APOOL: variants seen among roughly 807,000 people sequenced by gnomAD.
The protein encoded by APOOL is MICOS complex subunit MIC27.
Under a neutral mutation model 23.1 loss-of-function variants are expected in APOOL, and 12 were observed. The observed-to-expected ratio is 0.52, with a 90% confidence interval of 0.33 to 0.84. APOOL has a LOEUF of 0.84. Among genes scored for constraint, APOOL ranks in the 40% least tolerant of loss-of-function variants. The pLI, the probability that APOOL is intolerant of heterozygous loss-of-function variation, is 0.02. For missense variants in APOOL, 212 were observed against 199.6 expected, an observed-to-expected ratio of 1.06 and a Z score of -0.37; for synonymous variants, 77 against 69.9, an observed-to-expected ratio of 1.10 and a Z score of -0.51.
intron 1 of APOOL, among the ~76,000 whole-genome samples, chrX:85,043,382 A>G (rs1922464177): frequency 1.0e-5 from 1 of 97,976 alleles, no homozygotes; most frequent in Admixed American, 1.2e-4. Flanking sequence ...TGAATATCTT[A>G]TTTGGTTTTC....
intron 1 of APOOL, among the ~76,000 whole-genome samples, chrX:85,025,774 CT>C (rs1277522432): frequency 8.9e-6 from 1 of 112,891 alleles, no homozygotes; most frequent in Non-Finnish European, 1.9e-5. Flanking sequence ...AGCTCCACCC[CT>C]GTGTCTTTGC....
chrX:85,007,992 A>G lies in APOOL; in HGVS notation c.15+4065A>G, dbSNP rs1011166850. Among the ~76,000 whole-genome samples the G allele has an allele frequency of 1.8e-5, 2 of 111,776 alleles. 1 individual carries two copies. The highest frequency in any genetic ancestry group is 3.8e-5 in the Non-Finnish European group (2 of 53,161). ...ACTGTAATGATAGGAGGTTGCACTC[A>G]GAGAAAAACTTGCTGAATTTATGAT... On this transcript the variant is annotated intron_variant, in intron 1 of 8. Coordinates refer to ENST00000373173, the MANE Select transcript of APOOL (RefSeq NM_198450.6).
chrX:85,057,742 T>A (rs1039896123), intron 5 of APOOL, among the ~76,000 whole-genome samples: 2 of 109,199 alleles, frequency 1.8e-5, no homozygotes, highest in Non-Finnish European at 1.9e-5. Flanking sequence ...ATATCCTATT[T>A]CTTATTATAG....
chrX:85,071,039 A>T lies in APOOL; in HGVS notation c.487-2959A>T, dbSNP rs777529305. On this transcript the variant is annotated intron_variant, in intron 6 of 8. Transcript: ENST00000373173. ...CAATGGCATGGATAACCCAGAGGAC[A>T]TTATACTCAGTGAAATAAGATAGAC... Among the ~76,000 whole-genome samples the T allele has an allele frequency of 2.7e-5, 3 of 111,946 alleles. No individual in the cohort carries two copies. The South Asian group carries it at 1.1e-3, about 42-fold the overall frequency.
intron 8 of APOOL, among the ~76,000 whole-genome samples, chrX:85,081,046 A>C (rs1173491313): frequency 1.8e-5 from 2 of 111,320 alleles, no homozygotes; most frequent in Admixed American, 9.6e-5. Context: ...CTCTTTATCC[A>C]ATTTGCCAGT....
chrX:85,068,532 A>G (rs1923552938), intron 6 of APOOL, among the ~76,000 whole-genome samples: 1 of 105,472 alleles, frequency 9.5e-6, no homozygotes, highest in Non-Finnish European at 1.9e-5. Flanking sequence ...CAGCCTCCTG[A>G]GTAGCTGGGA....
At chrX:85,081,189 G>A (rs774913285) in intron 8 of APOOL, among the ~76,000 whole-genome samples, 16 of 111,708 alleles carry the variant, frequency 1.4e-4, no homozygotes, top group African/African-American at 4.9e-4. Flanking sequence ...TCCTAGCATC[G>A]ATGGTCTTTA....
chrX:85,038,754 A>G (rs1922311042), intron 1 of APOOL, among the ~76,000 whole-genome samples: 1 of 108,549 alleles, frequency 9.2e-6, no homozygotes, highest in East Asian at 2.9e-4. Context: ...GTTGGTGGTA[A>G]TGTTCCATTT....
At chrX:85,047,813 T>A (rs898041178) in intron 2 of APOOL, among the ~76,000 whole-genome samples, 4 of 111,731 alleles carry the variant, frequency 3.6e-5, no homozygotes, top group African/African-American at 9.7e-5. Context: ...ATCCACACAC[T>A]TAATAATATG....
intron 5 of APOOL, among the ~76,000 whole-genome samples, chrX:85,065,061 C>CATGAAT (rs1923399513): frequency 3.6e-5 from 4 of 111,381 alleles, no homozygotes; most frequent in African/African-American, 1.3e-4. Context: ...TCTGGGTGTT[C>CATGAAT]CTGTATTGAG....
chrX:85,014,902 C>G (rs1437509048), intron 1 of APOOL, among the ~76,000 whole-genome samples: 1 of 110,297 alleles, frequency 9.1e-6, no homozygotes, highest in Non-Finnish European at 1.9e-5. Context: ...TCAATTATTC[C>G]TTCAAACGAG....
intron 1 of APOOL, among the ~76,000 whole-genome samples, chrX:85,041,738 A>T (rs963530076): frequency 9.0e-6 from 1 of 110,997 alleles, no homozygotes; most frequent in Admixed American, 9.6e-5. Flanking sequence ...GTCTATGGGG[A>T]TCTCCTGTGT....
chrX:85,068,396 C>CT (rs776359466), intron 6 of APOOL, among the ~76,000 whole-genome samples: 1,012 of 93,075 alleles, frequency 0.011, 10 homozygotes, highest in African/African-American at 0.032. Flanking sequence ...GATTCTTCTT[C>CT]TTTTTTTTTT....
chrX:85,064,186 G>C (rs772147118), intron 5 of APOOL, among the ~76,000 whole-genome samples: 8 of 110,731 alleles, frequency 7.2e-5, no homozygotes, highest in Non-Finnish European at 1.3e-4. Context: ...TTCTCTGATG[G>C]TGTTTTGTAT....
At chrX:85,026,923 C>T (rs891828779) in intron 1 of APOOL, among the ~76,000 whole-genome samples, 1 of 111,994 alleles carries the variant, frequency 8.9e-6, no homozygotes, top group Non-Finnish European at 1.9e-5. Flanking sequence ...CTGTCCATTA[C>T]CCAGTTGCAG....
chrX:85,030,552 A>G (rs1289845996), intron 1 of APOOL, among the ~76,000 whole-genome samples: 5 of 112,012 alleles, frequency 4.5e-5, no homozygotes, highest in African/African-American at 1.6e-4. Flanking sequence ...TGTTGTGTAT[A>G]CACCACGGAA....
intron 1 of APOOL, among the ~76,000 whole-genome samples, chrX:85,015,947 T>C (rs1441096360): frequency 9.0e-6 from 1 of 110,612 alleles, no homozygotes; most frequent in Non-Finnish European, 1.9e-5. Flanking sequence ...TCCTTAGTTA[T>C]AAAGAGAGCC....
At chrX:85,060,900 G>A (rs763973997) in intron 5 of APOOL, among the ~76,000 whole-genome samples, 8 of 110,970 alleles carry the variant, frequency 7.2e-5, no homozygotes, top group South Asian at 3.9e-4. Flanking sequence ...TGCCCTGGCC[G>A]GAACTTCCAA....
At position 85,088,100 on chromosome X, in the gene APOOL, A is replaced by G. The variant is rs374872058; in HGVS notation, c.*422A>G. On this transcript the variant is annotated 3_prime_UTR_variant, in exon 9 of 9. Transcript: ENST00000373173. ...TACATATATGTATAAATACATATAC[A>G]TATTTATACATATATGTATAAATAC... 0.021 allele frequency: 50 copies of G among 2,387 alleles called. 2 individuals are homozygous for G. The highest frequency in any genetic ancestry group is 0.038 in the Non-Finnish European group (28 of 729). The allele number at this position is 2,387 out of a possible 1,213,427, so 0.2% of individuals were successfully genotyped here.
Sources: gnomAD v4.1 joint callset for allele counts (sites outside exome capture counted in the v4.1 genomes callset) on GRCh38, gnomAD v4.1.1 for gene constraint, MANE v1.5 for transcripts, NCBI Gene and HGNC (gene_info 2026-07-23, HGNC 2026-07-21) for gene names.